NAA15: variants seen among roughly 807,000 people sequenced by gnomAD.
NAA15 encodes the protein N-terminal acetyltransferase.
A neutral mutation model predicts 114.0 loss-of-function variants in NAA15; 34 were observed. The observed-to-expected ratio is 0.30, with a 90% CI of 0.23 to 0.40. The LOEUF is 0.40. NAA15 is among the 10% of genes least tolerant of loss of function. NAA15 has a pLI of 1.00. For missense variants in NAA15, 658 were observed against 1,004.5 expected (o/e 0.66, Z 4.66); for synonymous variants, 340 against 338.0 (o/e 1.01, Z -0.06).
At chr4:139,355,485 T>A (rs1379100547) in intron 10 of NAA15, among the ~76,000 whole-genome samples, 1 of 152,190 alleles carries the variant, frequency 6.6e-6, no homozygotes, top group East Asian at 1.9e-4. Context: ...CCTTGCTCTC[T>A]GAATTTCCTA....
chr4:139,318,402 T>C (rs1485654362), intron 1 of NAA15: 1 of 152,182 alleles, frequency 6.6e-6, no homozygotes, highest in African/African-American at 2.4e-5. Context: ...GCACATATAC[T>C]AAAATTGGAA....
intron 17 of NAA15, among the ~76,000 whole-genome samples, chr4:139,381,538 C>A (rs987270182): frequency 3.3e-5 from 5 of 151,684 alleles, no homozygotes; most frequent in African/African-American, 1.2e-4. Context: ...GTTTATTAAA[C>A]CTTGTTTAAT....
chr4:139,308,765 A>C (rs975342837), intron 1 of NAA15, among the ~76,000 whole-genome samples: 3 of 151,802 alleles, frequency 2.0e-5, no homozygotes, highest in Non-Finnish European at 4.4e-5. Context: ...ACAGGTGTCC[A>C]CCACCACACC....
intron 17 of NAA15, among the ~76,000 whole-genome samples, chr4:139,381,213 GGAT>G (rs1357992518): frequency 6.6e-6 from 1 of 152,006 alleles, no homozygotes; most frequent in Non-Finnish European, 1.5e-5. Flanking sequence ...CTTATTATGA[GGAT>G]GATATATTTA....
intron 1 of NAA15, among the ~76,000 whole-genome samples, chr4:139,321,473 T>TTG (rs1553993352): frequency 1.4e-5 from 2 of 140,742 alleles, no homozygotes; most frequent in African/African-American, 2.6e-5. Flanking sequence ...CCTTATTTGT[T>TTG]TTTTTTTTTT....
At chr4:139,368,068 A>G (rs1310105716) in intron 14 of NAA15, among the ~76,000 whole-genome samples, 1 of 151,734 alleles carries the variant, frequency 6.6e-6, no homozygotes, top group Admixed American at 6.6e-5. Context: ...CCCTGGCTCC[A>G]AAGTTATTCC....
chr4:139,325,107 CA>C (rs1746750610), intron 1 of NAA15, among the ~76,000 whole-genome samples: 4 of 139,092 alleles, frequency 2.9e-5, no homozygotes, highest in African/African-American at 8.5e-5. Flanking sequence ...ATATCTCATT[CA>C]AGGGGCGGGG....
chr4:139,356,402 C>T (rs1248325259), intron 10 of NAA15: 2 of 152,164 alleles, frequency 1.3e-5, no homozygotes, highest in African/African-American at 2.4e-5. Context: ...TTGGGTTGGT[C>T]ATTGTTTCTA....
chr4:139,303,980 C>G (rs529452937), intron 1 of NAA15, among the ~76,000 whole-genome samples: 1 of 152,138 alleles, frequency 6.6e-6, no homozygotes, highest in Admixed American at 6.5e-5. Flanking sequence ...TGCAGTGGCG[C>G]GATCTCGGCT....
At chr4:139,387,740 A>G in intron 19 of NAA15, 144 bp from the exon 20 acceptor site, 1 of 647,174 alleles carries the variant, frequency 1.5e-6, no homozygotes, top group East Asian at 2.7e-5. Flanking sequence ...GAACATTCTA[A>G]TAGAATGCAT....
intron 3 of NAA15, among the ~76,000 whole-genome samples, chr4:139,340,301 G>C (rs1747339133): frequency 6.6e-6 from 1 of 152,108 alleles, no homozygotes; most frequent in African/African-American, 2.4e-5. Flanking sequence ...CAGACTGGGT[G>C]ACAGAGCAAT....
At chr4:139,367,174 G>A (rs1748307147) in intron 14 of NAA15, among the ~76,000 whole-genome samples, 1 of 152,100 alleles carries the variant, frequency 6.6e-6, no homozygotes. Context: ...ACAGGCATAG[G>A]ATGACCACTG....
At chr4:139,362,721 T>A (rs1007588764) in intron 14 of NAA15, among the ~76,000 whole-genome samples, 1 of 152,230 alleles carries the variant, frequency 6.6e-6, no homozygotes, top group Non-Finnish European at 1.5e-5. Flanking sequence ...TCATTTTTAA[T>A]GTACCGTTTT....
intron 10 of NAA15, 147 bp from the exon 11 acceptor site, chr4:139,357,238 TA>T: frequency 1.5e-6 from 1 of 675,852 alleles, no homozygotes; most frequent in Non-Finnish European, 2.5e-6. Flanking sequence ...CCAAAGATCT[TA>T]TAAACTTAGG....
intron 1 of NAA15, among the ~76,000 whole-genome samples, chr4:139,302,792 G>T (rs367748496): frequency 2.0e-5 from 3 of 152,224 alleles, no homozygotes; most frequent in African/African-American, 7.2e-5. Flanking sequence ...ATTGATGTTT[G>T]CAGGGACTGT....
chr4:139,364,544 T>C (rs1416845739), intron 14 of NAA15, among the ~76,000 whole-genome samples: 4 of 152,246 alleles, frequency 2.6e-5, no homozygotes, highest in African/African-American at 9.6e-5. Flanking sequence ...TATTCCTCGC[T>C]GATTTCAAAT....
intron 17 of NAA15, among the ~76,000 whole-genome samples, chr4:139,383,032 T>A (rs1014018255): frequency 6.6e-6 from 1 of 152,144 alleles, no homozygotes; most frequent in African/African-American, 2.4e-5. Context: ...TCTGTGAAAC[T>A]TTTGCTTCAC....
Position 139,301,801 on chromosome 4 carries a change from C to T in NAA15, c.24C>T (p.Pro8=), listed in dbSNP as rs756398962. ...CGATGCCGGCCGTGAGCCTCCCGCCCAAGGAGAATGCGCTCTTCAAGCGGA... is the reference window on the plus strand; with the variant it reads ...CGATGCCGGCCGTGAGCCTCCCGCCTAAGGAGAATGCGCTCTTCAAGCGGA... MPAVSLP[P]KENALFKRIL... is the part of the protein sequence containing the mutation. The change falls in exon 1 of 20, where the codon CCC becomes CCT. Residue 8 remains proline (P), a synonymous_variant. Coordinates refer to ENST00000296543, the MANE Select transcript of NAA15 (RefSeq NM_057175.5). The T allele has an allele frequency of 3.8e-6, 6 of 1,590,076 alleles. No homozygotes were observed. The African/African-American group carries it at 5.4e-5, about 14-fold the overall frequency.
At chr4:139,303,913 C>A (rs1745905518) in intron 1 of NAA15, among the ~76,000 whole-genome samples, 1 of 152,154 alleles carries the variant, frequency 6.6e-6, no homozygotes, top group Non-Finnish European at 1.5e-5. Flanking sequence ...CAAGTGTTAG[C>A]ACTTTTTTTT....
Sources: allele counts gnomAD v4.1 joint callset (sites outside exome capture counted in the v4.1 genomes callset), GRCh38; gene constraint gnomAD v4.1.1; transcripts MANE v1.5; gene names NCBI Gene and HGNC (gene_info 2026-07-23, HGNC 2026-07-21).